Variants in SCAPER observed in about 807,000 individuals in gnomAD.
SCAPER encodes S-phase cyclin A associated protein in the ER.
Under a neutral mutation model 182.2 loss-of-function variants are expected in SCAPER, and 98 were observed. That is an observed-to-expected ratio of 0.54 (90% CI 0.46 to 0.64). The LOEUF is 0.64. Among genes scored for constraint, SCAPER ranks in the 30% least tolerant of loss-of-function variants. The pLI is 0.00. For missense variants in SCAPER, 1,432 were observed against 1,690.0 expected, an observed-to-expected ratio of 0.85 and a Z score of 2.68; for synonymous variants, 605 against 564.6, an observed-to-expected ratio of 1.07 and a Z score of -1.01.
chr15:76,737,989 C>A (rs2061360051), intron 15 of SCAPER, among the ~76,000 whole-genome samples: 1 of 152,206 alleles, frequency 6.6e-6, no homozygotes, highest in East Asian at 1.9e-4. Flanking sequence ...ACCACTCGAA[C>A]TTTCACCATA....
intron 23 of SCAPER, among the ~76,000 whole-genome samples, chr15:76,535,847 G>A (rs1031619624): frequency 6.6e-6 from 1 of 152,156 alleles, no homozygotes; most frequent in Non-Finnish European, 1.5e-5. Context: ...GAAGAGTCAC[G>A]AGATTTGGGT....
At chr15:76,883,762 G>A in intron 2 of SCAPER, 50 bp downstream of exon 2, 1 of 1,402,382 alleles carries the variant, frequency 7.1e-7, no homozygotes, top group Non-Finnish European at 9.6e-7. Flanking sequence ...AAGAAAGGAA[G>A]AAAAGAGAAA....
At chr15:76,499,126 T>G (rs2040871108) in intron 24 of SCAPER, among the ~76,000 whole-genome samples, 1 of 152,204 alleles carries the variant, frequency 6.6e-6, no homozygotes, top group Non-Finnish European at 1.5e-5. Context: ...TTTGGCCTTT[T>G]GAGTAAGCAA....
intron 20 of SCAPER, among the ~76,000 whole-genome samples, chr15:76,694,932 TAAAGG>T (rs1348348591): frequency 6.6e-6 from 1 of 152,090 alleles, no homozygotes; most frequent in African/African-American, 2.4e-5. Flanking sequence ...CTTTTTGCTG[TAAAGG>T]AAAAAACCAA....
chr15:76,705,191 A>ATG (rs2059182708), intron 18 of SCAPER, among the ~76,000 whole-genome samples: 1 of 151,668 alleles, frequency 6.6e-6, no homozygotes, highest in African/African-American at 2.4e-5. Context: ...TGTGGCACAT[A>ATG]TATACCATGG....
chr15:76,531,892 A>T (rs1010440590), intron 23 of SCAPER, among the ~76,000 whole-genome samples: 1 of 152,182 alleles, frequency 6.6e-6, no homozygotes. Flanking sequence ...GGCACCAGGG[A>T]TTGGCAAAGA....
Position 76,705,969 on chromosome 15 carries a change from T to G in SCAPER, c.2181A>C (p.Arg727=). Residue 727 remains arginine, a synonymous_variant, in exon 18 of 32, where the codon CGA becomes CGC. Transcript: ENST00000563290. ...GTTGAGCAGCTGTGAGTGCTGCCAA[T>G]CGTTCTTCCCTGTCTCTGTAAGAAG... ...ARERARDREE[R]LAALTAAQQE... is the part of the protein sequence containing the mutation. The G allele has an allele frequency of 1.9e-6, 3 of 1,557,574 alleles. No individual in the cohort carries two copies. The highest frequency in any genetic ancestry group is 2.6e-6 in the Non-Finnish European group (3 of 1,153,016).
chr15:76,584,400 C>T (rs1218911405), intron 22 of SCAPER, among the ~76,000 whole-genome samples: 1 of 152,120 alleles, frequency 6.6e-6, no homozygotes, highest in Admixed American at 6.5e-5. Flanking sequence ...TTTTAAATAA[C>T]AGAGTATAAT....
In SCAPER at chr15:76,756,223, G is replaced by A. The variant is rs1205957180; in HGVS notation, c.1726-2275C>T. Reference sequence around the variant, plus strand: ...TGTGCCACAGCACTCCAGCCTGGGCGACAGAGCCAGACTCCGTCTCAAAAA... The same window carrying A: ...TGTGCCACAGCACTCCAGCCTGGGCAACAGAGCCAGACTCCGTCTCAAAAA... On this transcript the variant is annotated intron_variant, in intron 14 of 31. Transcript: ENST00000563290. Among the ~76,000 whole-genome samples, 25 of 112,938 alleles carry A rather than the reference G, an allele frequency of 2.2e-4. No homozygotes were observed. In the Admixed American group the frequency reaches 3.1e-3, roughly 14 times the overall value. 74.1% of individuals were successfully genotyped at this position (112,938 alleles called of 152,430 possible).
At chr15:76,864,694 A>ATT (rs201318392) in intron 2 of SCAPER, among the ~76,000 whole-genome samples, 1 of 147,212 alleles carries the variant, frequency 6.8e-6, no homozygotes, top group Non-Finnish European at 1.5e-5. Flanking sequence ...CCAGATAATA[A>ATT]TTTTTTTTTT....
intron 26 of SCAPER, among the ~76,000 whole-genome samples, chr15:76,425,214 C>T (rs1277422688): frequency 6.6e-6 from 1 of 152,200 alleles, no homozygotes; most frequent in Non-Finnish European, 1.5e-5. Context: ...AGAGTGTTTT[C>T]CAACTTGGTT....
intron 23 of SCAPER, among the ~76,000 whole-genome samples, chr15:76,544,598 AT>A (rs1304016538): frequency 6.6e-6 from 1 of 152,180 alleles, no homozygotes; most frequent in East Asian, 1.9e-4. Context: ...TTCATATAAA[AT>A]GTCCAGAATA....
chr15:76,729,858 C>G (rs1440058028), intron 16 of SCAPER, among the ~76,000 whole-genome samples: 1 of 152,046 alleles, frequency 6.6e-6, no homozygotes, highest in Non-Finnish European at 1.5e-5. Context: ...AAATATTTGT[C>G]ACTAACATGT....
At chr15:76,549,029 T>G (rs1285197353) in intron 23 of SCAPER, among the ~76,000 whole-genome samples, 2 of 151,792 alleles carry the variant, frequency 1.3e-5, no homozygotes, top group African/African-American at 2.4e-5. Context: ...TGGGAGAAAA[T>G]TTTTGCAATC....
chr15:76,793,353 C>A, intron 8 of SCAPER: 1 of 692,368 alleles, frequency 1.4e-6, no homozygotes, highest in Non-Finnish European at 2.6e-6. Context: ...TGACAAGTGG[C>A]TGGCAGCCCC....
chr15:76,633,562 C>T (rs182860281), intron 21 of SCAPER, among the ~76,000 whole-genome samples: 1 of 152,304 alleles, frequency 6.6e-6, no homozygotes, highest in African/African-American at 2.4e-5. Flanking sequence ...CTGCAGGCAC[C>T]CCTCCTCCTA....
chr15:76,773,309 A>C (rs1401250373), intron 9 of SCAPER, among the ~76,000 whole-genome samples: 1 of 151,906 alleles, frequency 6.6e-6, no homozygotes. Context: ...ATACTGAAAA[A>C]TTTTAGCAAT....
At chr15:76,852,723 C>T (rs192555098) in intron 4 of SCAPER, among the ~76,000 whole-genome samples, 1 of 152,048 alleles carries the variant, frequency 6.6e-6, no homozygotes, top group Non-Finnish European at 1.5e-5. Context: ...CACTAAACAC[C>T]CACATCAAAA....
chr15:76,505,275 C>G (rs1310349046), intron 23 of SCAPER, among the ~76,000 whole-genome samples: 2 of 152,006 alleles, frequency 1.3e-5, no homozygotes, highest in Non-Finnish European at 2.9e-5. Context: ...AGCTTCTGCA[C>G]AGCAAAGGAA....
Sources: allele counts gnomAD v4.1 joint callset (sites outside exome capture counted in the v4.1 genomes callset), GRCh38; gene constraint gnomAD v4.1.1; transcripts MANE v1.5; gene names NCBI Gene and HGNC (gene_info 2026-07-23, HGNC 2026-07-21).